Variants in INTS11 observed in about 807,000 individuals in gnomAD.
INTS11 encodes the protein integrator complex subunit 11.
Under a neutral mutation model 78.6 loss-of-function variants are expected in INTS11, and 77 were observed. The observed-to-expected ratio is 0.98, with a 90% CI of 0.81 to 1.18. INTS11 has a LOEUF of 1.18. INTS11 is among the 50% of genes most tolerant of loss of function. INTS11 has a pLI of 0.00. For missense variants in INTS11, 875 were observed against 825.9 expected (o/e 1.06, Z -0.73); for synonymous variants, 441 against 326.9 (o/e 1.35, Z -3.77).
chr1:1,312,258 CT>C lies in INTS11; in HGVS notation c.1574del (p.Glu525GlyfsTer14), dbSNP rs767558936. 1 of 1,546,262 alleles carries C rather than the reference CT, an allele frequency of 6.5e-7. No homozygotes were observed. The highest frequency in any genetic ancestry group is 1.2e-5 in the South Asian group (1 of 84,060). On this transcript the variant is annotated frameshift_variant, in exon 15 of 17. Coordinates refer to ENST00000435064, the MANE Select transcript of INTS11 (RefSeq NM_017871.6). LOFTEE classifies it high-confidence loss of function. ...VHLHDTRKEQ[E>X]TALRVYSHLK... ...GGTGGCTGTAGACGCGCAATGCCGT[CT>C]CCTGCTCCTTGCGTGTGTCATGCAG...
intron 14 of INTS11, 29 bp downstream of exon 14, chr1:1,312,411 C>T (rs1456863067): frequency 1.3e-6 from 2 of 1,565,468 alleles, no homozygotes; most frequent in South Asian, 1.2e-5. Context: ...AGCGGCCCTC[C>T]CCCCTCCAGA....
chr1:1,313,358 C>A, intron 10 of INTS11, 151 bp downstream of exon 10: 1 of 946,670 alleles, frequency 1.1e-6, no homozygotes, highest in Non-Finnish European at 1.6e-6. Context: ...TGAGCAGCTC[C>A]AGGCGGACAT....
At chr1:1,319,588 G>T in intron 3 of INTS11, 64 bp from the exon 4 acceptor site, 1 of 1,216,236 alleles carries the variant, frequency 8.2e-7, no homozygotes, top group South Asian at 1.4e-5. Flanking sequence ...CCCGCTCTGG[G>T]CTTGTGGGTC....
At chr1:1,315,337 T>G in intron 6 of INTS11, 67 bp downstream of exon 6, 1 of 1,593,458 alleles carries the variant, frequency 6.3e-7, no homozygotes, top group African/African-American at 1.3e-5. Context: ...GCTGGCACCC[T>G]GACACCTGCA....
At chr1:1,313,628 C>T in intron 9 of INTS11, 36 bp from the exon 10 acceptor site, 1 of 1,612,118 alleles carries the variant, frequency 6.2e-7, no homozygotes, top group Non-Finnish European at 8.5e-7. Context: ...GGGGTCAGGG[C>T]AGCAGATGCC....
In INTS11 at chr1:1,312,931, C is replaced by G. The variant is rs868549435; in HGVS notation, c.1150G>C (p.Val384Leu). 1 of 1,612,058 alleles carries G rather than the reference C, an allele frequency of 6.2e-7. No individual in the cohort carries two copies. Among genetic ancestry groups the G allele is most frequent in the African/African-American group, 1.3e-5 (1 of 75,066 alleles). The change falls in exon 12 of 17, where the codon GTG (valine) becomes CTG (leucine). Residue 384 changes from valine to leucine, a missense_variant. Coordinates refer to ENST00000435064, the MANE Select transcript of INTS11 (RefSeq NM_017871.6). ...TGTGCGCTGAATGACATGTACTCCA[C>G]CTGCATCTTGACCTCCAGCTACAGA... ...GRQVLEVKMQ[V>L]EYMSFSAHAD...
At chr1:1,324,534 C>T in intron 1 of INTS11, 47 bp downstream of exon 1, 1 of 1,567,814 alleles carries the variant, frequency 6.4e-7, no homozygotes, top group Non-Finnish European at 8.7e-7. Context: ...CCGCCCGGAG[C>T]CGCATACGGA....
At chr1:1,323,486 C>T (rs903289412) in intron 1 of INTS11, among the ~76,000 whole-genome samples, 4 of 152,158 alleles carry the variant, frequency 2.6e-5, no homozygotes, top group African/African-American at 9.7e-5. Flanking sequence ...CTCACTGCAG[C>T]CTCAACCTCC....
In INTS11 at chr1:1,314,174, C is replaced by T. The variant is rs1570713729; in HGVS notation, c.767+127G>A. 6 of 931,190 alleles carry T rather than the reference C, an allele frequency of 6.4e-6. No homozygotes were observed. Among genetic ancestry groups the T allele is most frequent in the Middle Eastern group, 2.3e-4 (1 of 4,436 alleles). 57.7% of individuals were successfully genotyped at this position (931,190 alleles called of 1,614,324 possible). A position where few individuals can be genotyped will look rare whatever the true frequency, so the allele number is the denominator to read the frequency against. On this transcript the variant is annotated intron_variant, in intron 8 of 16. Transcript: ENST00000435064. The surrounding 1 kb of genome is among the most constrained non-coding windows in gnomAD (Gnocchi z 4.2). ...TTCCTGGGGTCACACAGCACACGAGCGGCCCCCCAGGACAGCAGCAAGCAG... is the reference window on the plus strand; with the variant it reads ...TTCCTGGGGTCACACAGCACACGAGTGGCCCCCCAGGACAGCAGCAAGCAG...
intron 4 of INTS11, 56 bp from the exon 5 acceptor site, chr1:1,315,674 TGAGGGAGGCGGGGGACGGGAAGC>T: frequency 1.2e-6 from 1 of 856,680 alleles, no homozygotes; most frequent in Non-Finnish European, 1.6e-6. Flanking sequence ...GGGCGGGGAG[TGAGGGAGGCGGGGGACGGGAAGC>T]GCGGGAGGCG....
intron 13 of INTS11, 30 bp downstream of exon 13, chr1:1,312,563 A>G (rs1023868460): frequency 1.7e-5 from 27 of 1,581,212 alleles, no homozygotes; most frequent in Middle Eastern, 1.7e-4. Context: ...TGCCCCGAGC[A>G]CCCTGCCCTG....
Position 1,312,156 on chromosome 1 carries a change from A to T in INTS11, c.1608-9T>A, listed in dbSNP as rs773963445. On this transcript the variant is annotated splice_polypyrimidine_tract_variant and intron_variant, in intron 15 of 16. Coordinates refer to ENST00000435064, the MANE Select transcript of INTS11 (RefSeq NM_017871.6). ...AGTGGTCCTTCAGGACGCTGTGGGG[A>T]GGCTCGGTGAGACCCTGCCTGGCCT... The T allele has an allele frequency of 8.2e-6, 12 of 1,461,082 alleles. No individual in the cohort carries two copies. The African/African-American group carries it at 1.6e-4, about 20-fold the overall frequency. The allele number at this position is 1,461,082 out of a possible 1,614,324, so 90.5% of individuals were successfully genotyped here.
Position 1,314,089 on chromosome 1 carries a change from C to T in INTS11, c.768-168G>A, listed in dbSNP as rs1270359100. 20 of 793,752 alleles carry T rather than the reference C, an allele frequency of 2.5e-5. No individual in the cohort carries two copies. The highest frequency in any genetic ancestry group is 8.0e-5 in the East Asian group (3 of 37,340). 49.2% of individuals were successfully genotyped at this position (793,752 alleles called of 1,614,324 possible). On this transcript the variant is annotated intron_variant, in intron 8 of 16. Coordinates refer to ENST00000435064, the MANE Select transcript of INTS11 (RefSeq NM_017871.6). This position sits in a 1 kb window ranked among gnomAD's most constrained non-coding sequence, Gnocchi z 4.2. Reference sequence around the variant, plus strand: ...TAAGCCCTGCAGCAGCCGGGCTCAGCGGAGAACCAGGAACCCCTACAAGAG... The same window carrying T: ...TAAGCCCTGCAGCAGCCGGGCTCAGTGGAGAACCAGGAACCCCTACAAGAG...
At chr1:1,315,087 G>T in intron 6 of INTS11, 125 bp from the exon 7 acceptor site, 1 of 1,235,358 alleles carries the variant, frequency 8.1e-7, no homozygotes, top group Non-Finnish European at 1.1e-6. Flanking sequence ...GCTGGAAAGA[G>T]CCAGCTGGTA....
chr1:1,324,379 G>C (rs1204537831), intron 1 of INTS11, among the ~76,000 whole-genome samples: 3 of 152,152 alleles, frequency 2.0e-5, no homozygotes, highest in Non-Finnish European at 4.4e-5. Context: ...CGGGGCTCGC[G>C]TTCTCGCGTC....
In INTS11 at chr1:1,313,792, CAT is replaced by C; in HGVS notation, c.895_896del (p.Met299ValfsTer2). 4 of 1,613,482 alleles carry C rather than the reference CAT, an allele frequency of 2.5e-6. No homozygotes were observed. Among genetic ancestry groups the C allele is most frequent in the Non-Finnish European group, 3.4e-6 (4 of 1,179,990 alleles). ...AGGCCTTGATGTGCTTGAACTCAAA[CAT>C]GTTCCTCTGCACGAAAGTCTTGCGG... ...KIRKTFVQRN[M>X]FEFKHIKAFD... On this transcript the variant is annotated frameshift_variant, in exon 9 of 17. Coordinates refer to ENST00000435064, the MANE Select transcript of INTS11 (RefSeq NM_017871.6). LOFTEE classifies it high-confidence loss of function.
chr1:1,322,072 G>A lies in INTS11; in HGVS notation c.29-979C>T, dbSNP rs939352796. 1.5e-5 allele frequency: 13 copies of A among 842,012 alleles called. No individual in the cohort carries two copies. The African/African-American group carries it at 1.8e-4, about 12-fold the overall frequency. 52.2% of individuals were successfully genotyped at this position (842,012 alleles called of 1,614,324 possible). On this transcript the variant is annotated intron_variant, in intron 1 of 16. Coordinates refer to ENST00000435064, the MANE Select transcript of INTS11 (RefSeq NM_017871.6). Reference sequence around the variant, plus strand: ...GCTCTCTGAGAGCAGGGTCTCAGCTGTCTCCTCCCTCTGCATCTCCTACCC... The same window carrying A: ...GCTCTCTGAGAGCAGGGTCTCAGCTATCTCCTCCCTCTGCATCTCCTACCC...
In INTS11 at chr1:1,312,213, G is replaced by GGGGGGGGCCCCCCCC; in HGVS notation, c.1607+12_1607+13insGGGGGGGGCCCCCCC. On this transcript the variant is annotated intron_variant, in intron 15 of 16. Coordinates refer to ENST00000435064, the MANE Select transcript of INTS11 (RefSeq NM_017871.6). ...CCCAAGGGAGTGGGGGGGGGGCGGGGCCGGGCGCCCACCTCTTGAGGTGGC... is the reference window on the plus strand; with the variant it reads ...CCCAAGGGAGTGGGGGGGGGGCGGGGGGGGGGGCCCCCCCCCCGGGCGCCCACCTCTTGAGGTGGC... 1.1e-6 allele frequency: 1 copy of GGGGGGGGCCCCCCCC among 934,614 alleles called. No homozygotes were observed. The highest frequency in any genetic ancestry group is 1.6e-6 in the Non-Finnish European group (1 of 636,666). 57.9% of individuals were successfully genotyped at this position (934,614 alleles called of 1,614,324 possible). A position where few individuals can be genotyped will look rare whatever the true frequency, so the allele number is the denominator to read the frequency against.
Position 1,312,213 on chromosome 1 carries a change from G to GCGGGCCCCCCCCCCCCCC in INTS11, c.1607+12_1607+13insGGGGGGGGGGGGGGCCCG. The GCGGGCCCCCCCCCCCCCC allele has an allele frequency of 1.1e-6, 1 of 934,610 alleles. No homozygotes were observed. The highest frequency in any genetic ancestry group is 1.6e-6 in the Non-Finnish European group (1 of 636,660). 57.9% of individuals were successfully genotyped at this position (934,610 alleles called of 1,614,324 possible). A position where few individuals can be genotyped will look rare whatever the true frequency, so the allele number is the denominator to read the frequency against. On this transcript the variant is annotated intron_variant, in intron 15 of 16. Coordinates refer to ENST00000435064, the MANE Select transcript of INTS11 (RefSeq NM_017871.6). ...CCCAAGGGAGTGGGGGGGGGGCGGG[G>GCGGGCCCCCCCCCCCCCC]CCGGGCGCCCACCTCTTGAGGTGGC...
Sources: gnomAD v4.1 joint callset for allele counts (sites outside exome capture counted in the v4.1 genomes callset) on GRCh38, gnomAD v4.1.1 for gene constraint, Gnocchi (gnomAD v3.1) non-coding constraint, MANE v1.5 for transcripts, NCBI Gene and HGNC (gene_info 2026-07-23, HGNC 2026-07-21) for gene names.